The following MYO7A variants were observed in gnomAD, a reference collection of about 807,000 sequenced individuals.
The protein encoded by MYO7A is unconventional myosin-VIIa.
Under a neutral mutation model 263.8 loss-of-function variants are expected in MYO7A, and 210 were observed. The observed-to-expected ratio is 0.80, with a 90% CI of 0.71 to 0.89. The LOEUF (loss-of-function observed/expected upper bound fraction) is 0.89. Among genes scored for constraint, MYO7A ranks in the 40% least tolerant of loss-of-function variants. The pLI, the probability that MYO7A is intolerant of heterozygous loss-of-function variation, is 0.00. For missense variants in MYO7A, 2,820 were observed against 2,968.3 expected, an observed-to-expected ratio of 0.95 and a Z score of 1.16; for synonymous variants, 1,239 against 1,197.3, an observed-to-expected ratio of 1.03 and a Z score of -0.72.
At chr11:77,191,028 T>C in intron 30 of MYO7A, 158 bp downstream of exon 30, 2 of 829,946 alleles carry the variant, frequency 2.4e-6, no homozygotes, top group Non-Finnish European at 1.8e-6. Context: ...TCCTCAGGAC[T>C]GCCGAGAACT....
Position 77,207,279 on chromosome 11 carries a change from C to T in MYO7A, c.5743-10C>T, listed in dbSNP as rs764914158. ...CCCTGCAGGAGCCCAGTGCTCACTGCCCCTCCCAGGCCTTCGAAGTGGAGT... is the reference window on the plus strand; with the variant it reads ...CCCTGCAGGAGCCCAGTGCTCACTGTCCCTCCCAGGCCTTCGAAGTGGAGT... On this transcript the variant is annotated splice_polypyrimidine_tract_variant and intron_variant, in intron 41 of 48. Coordinates refer to ENST00000409709, the MANE Select transcript of MYO7A (RefSeq NM_000260.4). 5.0e-6 allele frequency: 8 copies of T among 1,598,408 alleles called. No individual in the cohort carries two copies. The Admixed American group carries it at 1.0e-4, about 20-fold the overall frequency.
At chr11:77,131,961 C>A (rs1950778372) in intron 2 of MYO7A, among the ~76,000 whole-genome samples, 1 of 152,204 alleles carries the variant, frequency 6.6e-6, no homozygotes, top group South Asian at 2.1e-4. Flanking sequence ...CTTCCTGAGC[C>A]TCAGTTTCCT....
At chr11:77,189,551 G>A in intron 28 of MYO7A, 81 bp downstream of exon 28, 1 of 1,570,848 alleles carries the variant, frequency 6.4e-7, no homozygotes, top group Non-Finnish European at 8.7e-7. Context: ...ATAGCCAGGG[G>A]CTCCAAAGGG....
chr11:77,159,732 G>A (rs901695453), intron 10 of MYO7A, among the ~76,000 whole-genome samples: 4 of 152,196 alleles, frequency 2.6e-5, no homozygotes, highest in Non-Finnish European at 5.9e-5. Context: ...GCAGGTGGGG[G>A]CCCTGTGATG....
chr11:77,189,671 C>G (rs1232099812), intron 28 of MYO7A, among the ~76,000 whole-genome samples: 1 of 152,218 alleles, frequency 6.6e-6, no homozygotes, highest in Non-Finnish European at 1.5e-5. Flanking sequence ...CCCCATTCTA[C>G]TTAGGAGGGG....
intron 45 of MYO7A, 88 bp from the exon 46 acceptor site, chr11:77,211,733 T>C: frequency 2.0e-6 from 2 of 993,436 alleles, no homozygotes; most frequent in Non-Finnish European, 3.2e-6. Context: ...AGGGGTGGTG[T>C]GGGGAGGACT....
In MYO7A at chr11:77,184,715, G is replaced by A. The variant is rs797044516; in HGVS notation, c.3503G>A (p.Arg1168Gln). The change falls in exon 27 of 49, where the codon CGG becomes CAG. Residue 1168 changes from arginine (R) to glutamine (Q), a missense_variant and splice_region_variant. By Grantham distance (43) the Arg-to-Gln change is conservative. Coordinates refer to ENST00000409709, the MANE Select transcript of MYO7A (RefSeq NM_000260.4). ...AATGGCATCCTGCGGCCAGCACTCC[G>A]GTCAGTGCCGGGAGGCGGGGACACC... is the stretch of plus-strand genomic sequence containing the variant. ...IGNGILRPAL[R>Q]DEIYCQISKQ... 9.6e-6 allele frequency: 15 copies of A among 1,556,746 alleles called. No individual in the cohort carries two copies. Among genetic ancestry groups the A allele is most frequent in the South Asian group, 1.1e-5 (1 of 88,454 alleles).
chr11:77,170,523 G>A (rs1407809406), intron 15 of MYO7A, among the ~76,000 whole-genome samples: 1 of 152,206 alleles, frequency 6.6e-6, no homozygotes, highest in African/African-American at 2.4e-5. Flanking sequence ...GGTTCTGGGT[G>A]GGGAAAGGAT....
chr11:77,147,591 A>AAG (rs1233817899), intron 3 of MYO7A, among the ~76,000 whole-genome samples: 2 of 151,884 alleles, frequency 1.3e-5, no homozygotes, highest in African/African-American at 4.8e-5. Context: ...AAAATCCCCT[A>AAG]AGAGAAGGAG....
At position 77,174,851 on chromosome 11, in the gene MYO7A, C is replaced by T. The variant is rs1954484558; in HGVS notation, c.2031C>T (p.Ser677=). ...IRRAGYPIRY[S]FVEFVERYRV... ...GAGCTGGCTACCCCATCCGCTACAG[C>T]TTCGTAGAGTTTGTGGAGCGGTACC... The change falls in exon 17 of 49, where the codon AGC becomes AGT. Residue 677 remains serine, a synonymous_variant. Coordinates refer to ENST00000409709, the MANE Select transcript of MYO7A (RefSeq NM_000260.4). The T allele has an allele frequency of 1.2e-6, 2 of 1,613,618 alleles. No homozygotes were observed. Among genetic ancestry groups the T allele is most frequent in the Non-Finnish European group, 8.5e-7 (1 of 1,179,886 alleles).
chr11:77,191,970 G>T (rs1956114818), intron 30 of MYO7A, 81 bp from the exon 31 acceptor site: 1 of 1,292,348 alleles, frequency 7.7e-7, no homozygotes, highest in African/African-American at 1.5e-5. Context: ...TTTTCTGTCT[G>T]AACTGACCGT....
At chr11:77,186,432 T>C (rs937550560) in intron 27 of MYO7A, among the ~76,000 whole-genome samples, 3 of 152,248 alleles carry the variant, frequency 2.0e-5, no homozygotes, top group African/African-American at 7.2e-5. Context: ...GAAAATCTGC[T>C]GTTGAGTGTA....
In MYO7A at chr11:77,183,071, C is replaced by T. The variant is rs548381313; in HGVS notation, c.3289C>T (p.Gln1097Ter). 3.2e-6 allele frequency: 5 copies of T among 1,551,104 alleles called. No homozygotes were observed. Among genetic ancestry groups the T allele is most frequent in the Non-Finnish European group, 3.5e-6 (4 of 1,147,084 alleles). The change falls in exon 26 of 49, where the codon CAG becomes TAG. Residue 1097 changes from glutamine (Q) to a stop codon, truncating the protein, a stop_gained. Transcript: ENST00000409709. LOFTEE classifies it high-confidence loss of function. ...CTGATCCCTGCTGGTCCTGCAGGCC[C>T]AGCTCCCCGAGGGCCAGAAGAAGAG... ...LQALQGEGEA[Q>*]LPEGQKKSSV...
intron 4 of MYO7A, among the ~76,000 whole-genome samples, chr11:77,151,963 G>A (rs1238703908): frequency 1.3e-5 from 2 of 152,196 alleles, no homozygotes; most frequent in African/African-American, 2.4e-5. Context: ...CACATCTGCT[G>A]TGTGACCTTG....
intron 36 of MYO7A, 129 bp from the exon 37 acceptor site, chr11:77,202,171 C>T (rs1203797482): frequency 8.2e-7 from 1 of 1,220,768 alleles, no homozygotes. Flanking sequence ...CTCCCAGGGT[C>T]AGAATGGGGC....
intron 18 of MYO7A, 66 bp from the exon 19 acceptor site, chr11:77,177,483 C>T: frequency 7.9e-7 from 1 of 1,263,830 alleles, no homozygotes; most frequent in Non-Finnish European, 1.1e-6. Context: ...GCAGCCCCCA[C>T]TGGGACTGAG....
intron 3 of MYO7A, among the ~76,000 whole-genome samples, chr11:77,147,116 A>G (rs1432698402): frequency 6.6e-6 from 1 of 152,046 alleles, no homozygotes; most frequent in African/African-American, 2.4e-5. Flanking sequence ...CCTTCTCCCC[A>G]TCACCACTGC....
Position 77,140,207 on chromosome 11 carries a change from G to A in MYO7A, c.19-2502G>A, listed in dbSNP as rs775343186. ...GTGCCAGGCCCTGTGCTGGGTTGAG[G>A]GATACAGGTGACTCAGAGAGACCCC... is the stretch of plus-strand genomic sequence containing the variant. On this transcript the variant is annotated intron_variant, in intron 2 of 48. Transcript: ENST00000409709. Among the ~76,000 whole-genome samples the A allele has an allele frequency of 6.0e-4, 91 of 152,284 alleles. 1 individual carries two copies. Among genetic ancestry groups the A allele is most frequent in the Non-Finnish European group, 1.1e-3 (75 of 68,014 alleles).
chr11:77,202,585 G>A (rs111521905), intron 37 of MYO7A, among the ~76,000 whole-genome samples, 161 bp downstream of exon 37: 26 of 152,236 alleles, frequency 1.7e-4, no homozygotes, highest in African/African-American at 4.1e-4. Context: ...AGGATGACCC[G>A]TCCTATGTGT....
Sources: allele counts gnomAD v4.1 joint callset (sites outside exome capture counted in the v4.1 genomes callset), GRCh38; gene constraint gnomAD v4.1.1; transcripts MANE v1.5; gene names NCBI Gene and HGNC (gene_info 2026-07-23, HGNC 2026-07-21).